Variants in MNAT1 observed in about 807,000 individuals in gnomAD.
MNAT1 encodes CDK-activating kinase assembly factor MAT1.
MNAT1 carries 43 observed loss-of-function variants against 42.0 expected under a neutral mutation model. The observed-to-expected ratio is 1.02, with a 90% CI of 0.80 to 1.32. MNAT1 has a LOEUF of 1.32. Among genes scored for constraint, MNAT1 ranks in the 40% most tolerant of loss-of-function variants. The probability of loss-of-function intolerance (pLI) is 0.00; values close to 1 mark genes in which losing one functional copy is unlikely to be tolerated. For synonymous variants in MNAT1, 118 were observed against 120.0 expected, an observed-to-expected ratio of 0.98 and a Z score of 0.11; for missense variants, 306 against 350.4, an observed-to-expected ratio of 0.87 and a Z score of 1.01.
At chr14:60,903,173 A>G (rs2035108635) in intron 7 of MNAT1, among the ~76,000 whole-genome samples, 2 of 152,008 alleles carry the variant, frequency 1.3e-5, no homozygotes, top group Non-Finnish European at 2.9e-5. Flanking sequence ...CTAAATCACA[A>G]TGAAGGAATT....
chr14:60,852,584 C>T (rs1303700023), intron 6 of MNAT1, among the ~76,000 whole-genome samples: 3 of 152,082 alleles, frequency 2.0e-5, no homozygotes, highest in Admixed American at 2.0e-4. Flanking sequence ...CTTTTGTTGC[C>T]ATTGCTTTTG....
intron 1 of MNAT1, among the ~76,000 whole-genome samples, chr14:60,793,178 G>A (rs182651246): frequency 6.6e-6 from 1 of 151,020 alleles, no homozygotes; most frequent in African/African-American, 2.4e-5. Flanking sequence ...TAATTTGTTG[G>A]TGTTGTTGTT....
intron 6 of MNAT1, among the ~76,000 whole-genome samples, chr14:60,822,271 G>A (rs947827648): frequency 2.6e-5 from 4 of 152,134 alleles, no homozygotes; most frequent in African/African-American, 7.2e-5. Context: ...TTGGAATGGC[G>A]AGATGTAAAA....
intron 3 of MNAT1, among the ~76,000 whole-genome samples, chr14:60,806,268 A>G (rs574159001): frequency 4.6e-5 from 7 of 152,330 alleles, no homozygotes; most frequent in Non-Finnish European, 8.8e-5. Flanking sequence ...TGTAACTGCA[A>G]AGTGTCTCAT....
intron 1 of MNAT1, among the ~76,000 whole-genome samples, chr14:60,788,118 C>T (rs992175426): frequency 6.6e-6 from 1 of 152,120 alleles, no homozygotes; most frequent in Non-Finnish European, 1.5e-5. Context: ...AACAAGACTT[C>T]AATGTCAGAA....
chr14:60,813,586 A>G (rs2032622565), intron 5 of MNAT1, among the ~76,000 whole-genome samples: 1 of 152,212 alleles, frequency 6.6e-6, no homozygotes, highest in South Asian at 2.1e-4. Context: ...CCACTCAGTT[A>G]CAAAGGGAAT....
chr14:60,741,796 C>T (rs1053841077), intron 1 of MNAT1, among the ~76,000 whole-genome samples: 7 of 151,472 alleles, frequency 4.6e-5, no homozygotes, highest in African/African-American at 1.7e-4. Flanking sequence ...GAGTGAGCTG[C>T]TGTACCTGGC....
chr14:60,951,881 T>G (rs2036390799), intron 7 of MNAT1, among the ~76,000 whole-genome samples: 3 of 152,190 alleles, frequency 2.0e-5, no homozygotes, highest in Admixed American at 2.0e-4. Flanking sequence ...AAATTCCTGT[T>G]GGCTTCACTG....
chr14:60,872,986 C>T (rs1209268449), intron 6 of MNAT1, among the ~76,000 whole-genome samples: 1 of 152,042 alleles, frequency 6.6e-6, no homozygotes, highest in Non-Finnish European at 1.5e-5. Flanking sequence ...CTGCATAGGA[C>T]ATTCTCATAC....
chr14:60,900,444 C>G (rs773133291), intron 7 of MNAT1, among the ~76,000 whole-genome samples: 1 of 152,162 alleles, frequency 6.6e-6, no homozygotes, highest in African/African-American at 2.4e-5. Flanking sequence ...ATCCCTTAAA[C>G]CAAAGCCTAA....
At chr14:60,747,012 G>A (rs1323428237) in intron 1 of MNAT1, among the ~76,000 whole-genome samples, 1 of 132,976 alleles carries the variant, frequency 7.5e-6, no homozygotes, top group Non-Finnish European at 1.6e-5. Flanking sequence ...TTGAGACAGA[G>A]TCTCGCTCTG....
intron 6 of MNAT1, among the ~76,000 whole-genome samples, chr14:60,845,906 A>G (rs1477424773): frequency 6.6e-6 from 1 of 152,102 alleles, no homozygotes; most frequent in Non-Finnish European, 1.5e-5. Context: ...TTTGGAAAAT[A>G]TTCCCTTGTC....
chr14:60,943,581 TGA>T (rs1361590915), intron 7 of MNAT1, among the ~76,000 whole-genome samples: 5 of 150,854 alleles, frequency 3.3e-5, no homozygotes, highest in Non-Finnish European at 7.4e-5. Context: ...CAGTGGGCAG[TGA>T]GGGAGTGGGG....
chr14:60,772,929 A>G (rs935851445), intron 1 of MNAT1, among the ~76,000 whole-genome samples: 61 of 139,790 alleles, frequency 4.4e-4, no homozygotes, highest in African/African-American at 1.5e-3. Flanking sequence ...TTATTTATTT[A>G]TTTATTTATT....
At chr14:60,826,676 T>TA (rs1157119931) in intron 6 of MNAT1, among the ~76,000 whole-genome samples, 2 of 152,204 alleles carry the variant, frequency 1.3e-5, no homozygotes, top group Non-Finnish European at 2.9e-5. Context: ...TTTGAACTCT[T>TA]AAAGTGAGAG....
intron 7 of MNAT1, among the ~76,000 whole-genome samples, chr14:60,886,322 A>G (rs926366632): frequency 3.3e-5 from 5 of 152,008 alleles, no homozygotes; most frequent in Non-Finnish European, 1.5e-5. Flanking sequence ...TTGAATCTGT[A>G]TACTGCTTTT....
At chr14:60,767,658 T>A (rs1053468170) in intron 1 of MNAT1, among the ~76,000 whole-genome samples, 4 of 152,198 alleles carry the variant, frequency 2.6e-5, no homozygotes, top group Non-Finnish European at 4.4e-5. Context: ...AAGAGTGCAA[T>A]GGTGTGATCT....
intron 7 of MNAT1, among the ~76,000 whole-genome samples, chr14:60,883,088 G>A (rs8005602): frequency 0.94 from 143,325 of 152,176 alleles, 67,815 homozygotes; most frequent in Non-Finnish European, 0.99. Context: ...ACTTGATGTG[G>A]TCCTACTTAC....
chr14:60,783,193 A>G lies in MNAT1; in HGVS notation c.90-13024A>G, dbSNP rs1447255995. The stretch of plus-strand genomic sequence containing the variant: ...GAATACTCCAGAACCACAGATAAAT[A>G]ACACTATGAGATCTCCTGGTTCTGA... On this transcript the variant is annotated intron_variant, in intron 1 of 7. Coordinates refer to ENST00000261245, the MANE Select transcript of MNAT1 (RefSeq NM_002431.4). Among the ~76,000 whole-genome samples, 14 of 152,304 alleles carry G rather than the reference A, an allele frequency of 9.2e-5. No individual in the cohort carries two copies. The South Asian group carries it at 2.9e-3, about 32-fold the overall frequency.
Sources: allele counts gnomAD v4.1 joint callset (sites outside exome capture counted in the v4.1 genomes callset), GRCh38; gene constraint gnomAD v4.1.1; transcripts MANE v1.5; gene names NCBI Gene and HGNC (gene_info 2026-07-23, HGNC 2026-07-21).